SLC19A2: variants seen among roughly 807,000 people sequenced by gnomAD.
SLC19A2 encodes solute carrier family 19 member 2.
A neutral mutation model predicts 44.7 loss-of-function variants in SLC19A2; 27 were observed. The ratio of observed to expected loss-of-function variants is 0.60; its 90% CI spans 0.45 to 0.83. SLC19A2 has a LOEUF of 0.83. SLC19A2 is among the 40% of genes least tolerant of loss of function. The probability of loss-of-function intolerance (pLI) is 0.00; values close to 1 mark genes in which losing one functional copy is unlikely to be tolerated. For missense variants in SLC19A2, 566 were observed against 613.7 expected (o/e 0.92, Z 0.82); for synonymous variants, 239 against 243.6 (o/e 0.98, Z 0.18).
rs150049339 is a variant in SLC19A2 at position 169,468,774 on chromosome 1, T to C, written c.1093A>G (p.Thr365Ala). The change falls in exon 4 of 6, where the codon ACA (threonine) becomes GCA (alanine). Residue 365 changes from threonine (T) to alanine (A), a missense_variant. Transcript: ENST00000236137. ...ATCAGGAGAGAAAAGAGAGATAATG[T>C]CATTTCTCCCCAAGTTGACCAGGAT... ...KISWSTWGEM[T>A]LSLFSLLIAA... 5 of 1,613,812 alleles carry C rather than the reference T, an allele frequency of 3.1e-6. No homozygotes were observed. The highest frequency in any genetic ancestry group is 1.3e-5 in the African/African-American group (1 of 74,860).
At position 169,470,098 on chromosome 1, in the gene SLC19A2, G is replaced by C; in HGVS notation, c.896C>G (p.Ser299Cys). Residue 299 changes from serine (S) to cysteine (C), a missense_variant, in exon 3 of 6, where the codon TCT (serine) becomes TGT (cysteine). Coordinates refer to ENST00000236137, the MANE Select transcript of SLC19A2 (RefSeq NM_006996.3). Reference protein sequence around the residue: ...CYSSRPLLCWSVWWALSTCGY... With the variant: ...CYSSRPLLCWCVWWALSTCGY... ...ACAGGTAGAGAGGGCCCACCACACA[G>C]ACCAGCAGAGAAGAGGGCGAGAGGA... The C allele has an allele frequency of 1.2e-6, 2 of 1,614,076 alleles. No homozygotes were observed. The highest frequency in any genetic ancestry group is 1.7e-6 in the Non-Finnish European group (2 of 1,179,972).
chr1:169,466,441 T>C (rs1297566592), intron 5 of SLC19A2, among the ~76,000 whole-genome samples: 3 of 152,170 alleles, frequency 2.0e-5, no homozygotes, highest in Non-Finnish European at 2.9e-5. Context: ...CAAGAACTTC[T>C]CTATTTTTCC....
intron 1 of SLC19A2, among the ~76,000 whole-genome samples, chr1:169,479,083 G>T (rs1658389731): frequency 6.6e-6 from 1 of 152,144 alleles, no homozygotes; most frequent in Non-Finnish European, 1.5e-5. Context: ...CATACTGTTT[G>T]GAAGATACTA....
At chr1:169,479,684 T>C (rs552366281) in intron 1 of SLC19A2, among the ~76,000 whole-genome samples, 1 of 152,350 alleles carries the variant, frequency 6.6e-6, no homozygotes, top group South Asian at 2.1e-4. Flanking sequence ...CCAACAACAA[T>C]CACTGTAGGA....
chr1:169,485,287 A>T (rs1658528690), intron 1 of SLC19A2, among the ~76,000 whole-genome samples: 1 of 152,212 alleles, frequency 6.6e-6, no homozygotes, highest in Non-Finnish European at 1.5e-5. Context: ...AGTCACGCTA[A>T]GCCACATTAC....
At chr1:169,476,302 C>T (rs1045008124) in intron 2 of SLC19A2, among the ~76,000 whole-genome samples, 27 of 152,220 alleles carry the variant, frequency 1.8e-4, no homozygotes, top group African/African-American at 6.3e-4. Context: ...AAACTGTCCT[C>T]TTGTGATCTC....
At position 169,469,988 on chromosome 1, in the gene SLC19A2, C is replaced by T. The variant is rs148047353; in HGVS notation, c.1006G>A (p.Val336Met). 17 of 1,613,740 alleles carry T rather than the reference C, an allele frequency of 1.1e-5. No homozygotes were observed. The highest frequency in any genetic ancestry group is 1.1e-5 in the Non-Finnish European group (13 of 1,179,868). Residue 336 changes from valine (V) to methionine (M), a missense_variant, in exon 3 of 6, where the codon GTG becomes ATG. Val to Met is a conservative substitution (Grantham distance 21). Transcript: ENST00000236137. ...SRYAAIYNGG[V>M]EAVSTLLGAV... is the part of the protein sequence containing the mutation. ...CCCAGTAAGGTTGAAACGGCCTCCA[C>T]GCCACCATTATAGATAGCAGCATAG... is the stretch of plus-strand genomic sequence containing the variant.
At position 169,485,624 on chromosome 1, in the gene SLC19A2, G is replaced by C; in HGVS notation, c.143C>G (p.Pro48Arg). 6.4e-7 allele frequency: 1 copy of C among 1,569,950 alleles called. No homozygotes were observed. Among genetic ancestry groups the C allele is most frequent in the South Asian group, 1.2e-5 (1 of 85,558 alleles). ...GTACGGGGTCAGGAAGGGCTCGGACGGCCTGAGGCTGGCGAAGAAGCCGTA... is the reference window on the plus strand; with the variant it reads ...GTACGGGGTCAGGAAGGGCTCGGACCGCCTGAGGCTGGCGAAGAAGCCGTA... ...CAYGFFASLR[P>R]SEPFLTPYLL... Residue 48 changes from proline to arginine, a missense_variant, in exon 1 of 6, where the codon CCG (proline) becomes CGG (arginine). Transcript: ENST00000236137.
chr1:169,479,463 T>A (rs540395036), intron 1 of SLC19A2, among the ~76,000 whole-genome samples: 6 of 152,378 alleles, frequency 3.9e-5, no homozygotes, highest in African/African-American at 1.4e-4. Flanking sequence ...GCTGTGTGAT[T>A]GTAGACAACA....
At chr1:169,468,586 C>T in intron 4 of SLC19A2, 58 bp downstream of exon 4, 2 of 1,494,678 alleles carry the variant, frequency 1.3e-6, no homozygotes, top group Non-Finnish European at 1.9e-6. Flanking sequence ...TGTAAAGAAA[C>T]CAAAAAATTT....
Position 169,469,963 on chromosome 1 carries a change from C to A in SLC19A2, c.1030+1G>T. ...ACCCTCTATTATCCTGCATTGCTTA[C>A]CCAGTAAGGTTGAAACGGCCTCCAC... On this transcript the variant is annotated splice_donor_variant, in intron 3 of 5. Transcript: ENST00000236137. LOFTEE classifies it high-confidence loss of function. 3 of 1,613,010 alleles carry A rather than the reference C, an allele frequency of 1.9e-6. No homozygotes were observed. Among genetic ancestry groups the A allele is most frequent in the Non-Finnish European group, 2.5e-6 (3 of 1,179,440 alleles).
chr1:169,467,607 G>A (rs1447485203), intron 5 of SLC19A2, among the ~76,000 whole-genome samples: 2 of 152,118 alleles, frequency 1.3e-5, no homozygotes, highest in African/African-American at 4.8e-5. Context: ...TCACATTGTT[G>A]TTGGGTGTTG....
rs1231438809 is a variant in SLC19A2, at chr1:169,468,695, G to A, written c.1172C>T (p.Ala391Val). ...DTVGNIWVCY[A>V]SYVVFRIIYM... ...GATGATTCTGAAGACAACATAGGAT[G>A]CATAGCACACCCAAATGTTACCCAC... The change falls in exon 4 of 6, where the codon GCA (alanine) becomes GTA (valine). Residue 391 changes from alanine to valine, a missense_variant. Ala to Val is a moderately conservative substitution (Grantham distance 64, BLOSUM62 0). Transcript: ENST00000236137. 6.2e-7 allele frequency: 1 copy of A among 1,613,832 alleles called. No individual in the cohort carries two copies. The highest frequency in any genetic ancestry group is 2.2e-5 in the East Asian group (1 of 44,866).
rs1349709177 is a variant in SLC19A2 at position 169,485,881 on chromosome 1, G to C, written c.-115C>G. ...TGACGCCTTCTCCCTGTAAGGCCAG[G>C]ACGTTCTGGACTCGCCGCCGCCTCC... On this transcript the variant is annotated 5_prime_UTR_variant, in exon 1 of 6. Coordinates refer to ENST00000236137, the MANE Select transcript of SLC19A2 (RefSeq NM_006996.3). 1 of 1,215,282 alleles carries C rather than the reference G, an allele frequency of 8.2e-7. No individual in the cohort carries two copies. The highest frequency in any genetic ancestry group is 1.1e-6 in the Non-Finnish European group (1 of 895,946). The allele number at this position is 1,215,282 out of a possible 1,614,324, so 75.3% of individuals were successfully genotyped here.
chr1:169,471,707 C>T lies in SLC19A2; in HGVS notation c.808-1521G>A, dbSNP rs58469575. Among the ~76,000 whole-genome samples the T allele has an allele frequency of 9.9e-5, 8 of 80,650 alleles. 1 individual carries two copies. Among genetic ancestry groups the T allele is most frequent in the Admixed American group, 2.7e-4 (2 of 7,348 alleles). 52.9% of individuals were successfully genotyped at this position (80,650 alleles called of 152,430 possible). A position where few individuals can be genotyped will look rare whatever the true frequency, so the allele number is the denominator to read the frequency against. On this transcript the variant is annotated intron_variant, in intron 2 of 5. Coordinates refer to ENST00000236137, the MANE Select transcript of SLC19A2 (RefSeq NM_006996.3). Reference sequence around the variant, plus strand: ...GTGTGTGTGTGTGTGTGTATATATACACACACACCATATATATCATTTTTA... The same window carrying T: ...GTGTGTGTGTGTGTGTGTATATATATACACACACCATATATATCATTTTTA...
At position 169,465,947 on chromosome 1, in the gene SLC19A2, T is replaced by A; in HGVS notation, c.1396A>T (p.Ile466Phe). ...FLIYASYFAL[I>F]AVVFLASGAV... ...CCACTGGCCAGGAAAACCACAGCGA[T>A]GAGTGCAAAATAACTGGCATAGATC... The change falls in exon 6 of 6, where the codon ATC (isoleucine) becomes TTC (phenylalanine). Residue 466 changes from isoleucine (I) to phenylalanine (F), a missense_variant. By Grantham distance (21) the Ile-to-Phe change is conservative. Coordinates refer to ENST00000236137, the MANE Select transcript of SLC19A2 (RefSeq NM_006996.3). 6.2e-7 allele frequency: 1 copy of A among 1,614,034 alleles called. No individual in the cohort carries two copies. The highest frequency in any genetic ancestry group is 1.3e-5 in the African/African-American group (1 of 75,018).
intron 2 of SLC19A2, among the ~76,000 whole-genome samples, chr1:169,476,421 A>G (rs1658310969): frequency 6.6e-6 from 1 of 152,200 alleles, no homozygotes. Flanking sequence ...TTACCCTTAA[A>G]TACTGTGGGC....
chr1:169,482,528 A>G (rs1324905833), intron 1 of SLC19A2, among the ~76,000 whole-genome samples: 2 of 152,210 alleles, frequency 1.3e-5, no homozygotes, highest in Non-Finnish European at 2.9e-5. Context: ...GCAACAGAGC[A>G]AGACTGTCTC....
Position 169,470,192 on chromosome 1 carries a change from T to C in SLC19A2, c.808-6A>G, listed in dbSNP as rs1156650973. 1 of 1,612,070 alleles carries C rather than the reference T, an allele frequency of 6.2e-7. No homozygotes were observed. The highest frequency in any genetic ancestry group is 1.3e-5 in the African/African-American group (1 of 74,844). Reference sequence around the variant, plus strand: ...AGACGGTCTGGCTTGGGTTCCTACATAGCAAAAGGGAACAATGCTCAAACT... The same window carrying C: ...AGACGGTCTGGCTTGGGTTCCTACACAGCAAAAGGGAACAATGCTCAAACT... On this transcript the variant is annotated splice_polypyrimidine_tract_variant and splice_region_variant and intron_variant, in intron 2 of 5. Transcript: ENST00000236137.
Sources: gnomAD v4.1 joint callset for allele counts (sites outside exome capture counted in the v4.1 genomes callset) on GRCh38, gnomAD v4.1.1 for gene constraint, MANE v1.5 for transcripts, NCBI Gene and HGNC (gene_info 2026-07-23, HGNC 2026-07-21) for gene names.